Variants in MCF2L2 observed in about 807,000 individuals in gnomAD.
MCF2L2 encodes the protein MCF.2 cell line derived transforming sequence-like 2, also known as probable guanine nucleotide exchange factor MCF2L2.
In MCF2L2, 102 loss-of-function variants were observed where a neutral mutation model predicts 150.2. That is an observed-to-expected ratio of 0.68 (90% confidence interval 0.58 to 0.80). MCF2L2 has a LOEUF of 0.80. MCF2L2 is among the 30% of genes least tolerant of loss of function. The pLI is 0.00. For synonymous variants in MCF2L2, 465 were observed against 491.3 expected (o/e 0.95, Z 0.71); for missense variants, 1,256 against 1,372.8 (o/e 0.91, Z 1.34).
chr3:183,355,056 A>T (rs1711675777), intron 3 of MCF2L2, among the ~76,000 whole-genome samples: 1 of 150,218 alleles, frequency 6.7e-6, no homozygotes, highest in Non-Finnish European at 1.5e-5. Context: ...TATTTTAATA[A>T]TATTATTTAT....
rs756579835 is a variant in MCF2L2, at chr3:183,309,701, T to C, written c.1113+15A>G. 1.2e-6 allele frequency: 2 copies of C among 1,613,996 alleles called. No individual in the cohort carries two copies. The highest frequency in any genetic ancestry group is 2.2e-5 in the East Asian group (1 of 44,864). On this transcript the variant is annotated intron_variant, in intron 10 of 29. Transcript: ENST00000328913. ...CAACCTCCCTCCCAGTACACAAAAA[T>C]GTCAGAAAGCAAACCTGGCTTTTTT...
At chr3:183,341,694 C>T in intron 3 of MCF2L2, 64 bp from the exon 4 acceptor site, 3 of 1,114,936 alleles carry the variant, frequency 2.7e-6, no homozygotes, top group East Asian at 2.4e-5. Context: ...GTGGCTCCCA[C>T]AGCAGAATAC....
chr3:183,410,933 C>G (rs979714804), intron 1 of MCF2L2, among the ~76,000 whole-genome samples: 2 of 152,098 alleles, frequency 1.3e-5, no homozygotes, highest in African/African-American at 4.8e-5. Context: ...CAGGTGACAC[C>G]AGAGAGAGAA....
Position 183,270,821 on chromosome 3 carries a change from A to G in MCF2L2, c.1862+6051T>C, listed in dbSNP as rs1435367389. The G allele has an allele frequency of 1.9e-6, 3 of 1,613,880 alleles. No homozygotes were observed. The highest frequency in any genetic ancestry group is 2.5e-6 in the Non-Finnish European group (3 of 1,179,980). On this transcript the variant is annotated intron_variant, in intron 15 of 29. Coordinates refer to ENST00000328913, the MANE Select transcript of MCF2L2 (RefSeq NM_015078.4). The surrounding 1 kb of genome is among the most constrained non-coding windows in gnomAD (Gnocchi z 4.5). ...GGAAGAATGCTACAGATCCTAAAGT[A>G]AAAACCATTTCCAAAGGTTTTTTTG...
In MCF2L2 at chr3:183,301,153, C is replaced by T. The variant is rs1324882518; in HGVS notation, c.1114-957G>A. 3.9e-5 allele frequency among the ~76,000 whole-genome samples: 6 copies of T among 152,104 alleles called. No homozygotes were observed. In the East Asian group the frequency reaches 7.7e-4, roughly 20 times the overall value. ...TGCATGACACTTCGCTCTAACCACA[C>T]GTGCCAAGTTTTCCTGTTTGTTTAA... is the stretch of plus-strand genomic sequence containing the variant. On this transcript the variant is annotated intron_variant, in intron 10 of 29. Transcript: ENST00000328913.
chr3:183,351,804 A>G (rs1019595914), intron 3 of MCF2L2, among the ~76,000 whole-genome samples: 2 of 152,242 alleles, frequency 1.3e-5, no homozygotes, highest in African/African-American at 4.8e-5. Context: ...AGTCTAATTC[A>G]GAAATAAAGT....
At chr3:183,415,890 T>G (rs1408326235) in intron 1 of MCF2L2, among the ~76,000 whole-genome samples, 1 of 152,170 alleles carries the variant, frequency 6.6e-6, no homozygotes, top group Non-Finnish European at 1.5e-5. Context: ...ATTACTGATA[T>G]AGTGGGATCC....
chr3:183,288,261 T>C (rs1727905978), intron 14 of MCF2L2, among the ~76,000 whole-genome samples: 1 of 152,174 alleles, frequency 6.6e-6, no homozygotes, highest in African/African-American at 2.4e-5. Flanking sequence ...CCAAACCTTA[T>C]GCTTTTTTTA....
At chr3:183,402,353 T>C (rs1180295835) in intron 1 of MCF2L2, among the ~76,000 whole-genome samples, 3 of 148,744 alleles carry the variant, frequency 2.0e-5, no homozygotes, top group East Asian at 2.0e-4. Context: ...ACTCGGGAGG[T>C]TGAGGCAGGA....
At chr3:183,203,365 A>C (rs1283547799) in intron 25 of MCF2L2, among the ~76,000 whole-genome samples, 2 of 152,250 alleles carry the variant, frequency 1.3e-5, no homozygotes, top group Non-Finnish European at 2.9e-5. Context: ...ACAAATCCTC[A>C]TTAAATAGAA....
intron 25 of MCF2L2, among the ~76,000 whole-genome samples, chr3:183,202,598 G>C (rs1316169411): frequency 6.6e-6 from 1 of 152,232 alleles, no homozygotes; most frequent in Non-Finnish European, 1.5e-5. Context: ...CCTTGGCAAA[G>C]ACTAGAAGAC....
intron 3 of MCF2L2, among the ~76,000 whole-genome samples, chr3:183,358,990 A>G (rs1306981949): frequency 6.6e-6 from 1 of 150,786 alleles, no homozygotes; most frequent in Admixed American, 6.6e-5. Context: ...GAAGCAGTGG[A>G]AAAGTTCATT....
intron 2 of MCF2L2, among the ~76,000 whole-genome samples, chr3:183,383,065 C>A (rs773025025): frequency 2.0e-5 from 3 of 152,144 alleles, no homozygotes; most frequent in Non-Finnish European, 4.4e-5. Context: ...TACTAAATGA[C>A]CCATTCTCCA....
At chr3:183,353,501 A>G (rs1243947788) in intron 3 of MCF2L2, among the ~76,000 whole-genome samples, 1 of 152,194 alleles carries the variant, frequency 6.6e-6, no homozygotes, top group African/African-American at 2.4e-5. Flanking sequence ...TCTGCAGGCT[A>G]TATGGGAAGC....
intron 1 of MCF2L2, among the ~76,000 whole-genome samples, chr3:183,394,981 C>T (rs913952412): frequency 6.6e-6 from 1 of 152,148 alleles, no homozygotes; most frequent in South Asian, 2.1e-4. Context: ...TATGCAACCT[C>T]ATTTAATCCT....
At chr3:183,212,496 A>G (rs1000868858) in intron 22 of MCF2L2, among the ~76,000 whole-genome samples, 7 of 152,104 alleles carry the variant, frequency 4.6e-5, no homozygotes, top group Admixed American at 4.6e-4. Flanking sequence ...AAATGCTACC[A>G]CTTTCACACC....
At chr3:183,350,720 C>T (rs1393567073) in intron 3 of MCF2L2, among the ~76,000 whole-genome samples, 4 of 151,980 alleles carry the variant, frequency 2.6e-5, no homozygotes, top group Admixed American at 1.3e-4. Flanking sequence ...CTGTCTAACA[C>T]GGTGAAACCC....
chr3:183,404,308 A>T (rs1396758732), intron 1 of MCF2L2, among the ~76,000 whole-genome samples: 1 of 152,216 alleles, frequency 6.6e-6, no homozygotes, highest in East Asian at 1.9e-4. Flanking sequence ...AACAATAAAA[A>T]TAGGCATCAC....
chr3:183,413,770 C>T (rs755049619), intron 1 of MCF2L2, among the ~76,000 whole-genome samples: 5 of 152,178 alleles, frequency 3.3e-5, no homozygotes, highest in Admixed American at 6.5e-5. Flanking sequence ...GTCTGTTGGC[C>T]TCATTCCTTT....
Sources: gnomAD v4.1 joint callset for allele counts (sites outside exome capture counted in the v4.1 genomes callset) on GRCh38, gnomAD v4.1.1 for gene constraint, Gnocchi (gnomAD v3.1) non-coding constraint, MANE v1.5 for transcripts, NCBI Gene and HGNC (gene_info 2026-07-23, HGNC 2026-07-21) for gene names.